The following ZNF281 variants were observed in gnomAD, a reference collection of about 807,000 sequenced individuals.
ZNF281 encodes the protein zinc finger protein 281, also known as GC-box-binding zinc finger protein 1.
ZNF281 carries 2 observed loss-of-function variants against 58.8 expected under a neutral mutation model. The observed-to-expected ratio is 0.03, with a 90% CI of 0.01 to 0.11. ZNF281 has a LOEUF of 0.11. Among genes scored for constraint, ZNF281 ranks in the 10% least tolerant of loss-of-function variants. The pLI is 1.00. For synonymous variants in ZNF281, 465 were observed against 407.7 expected, an observed-to-expected ratio of 1.14 and a Z score of -1.69; for missense variants, 975 against 1,090.7, an observed-to-expected ratio of 0.89 and a Z score of 1.49.
chr1:200,405,288 G>A lies in ZNF281; in HGVS notation c.*1730C>T, dbSNP rs983329778. The A allele has an allele frequency of 2.6e-5, 4 of 152,230 alleles. No homozygotes were observed. The highest frequency in any genetic ancestry group is 4.4e-5 in the Non-Finnish European group (3 of 68,038). The allele number at this position is 152,230 out of a possible 1,614,324, so 9.4% of individuals were successfully genotyped here. A position where few individuals can be genotyped will look rare whatever the true frequency, so the allele number is the denominator to read the frequency against. On this transcript the variant is annotated 3_prime_UTR_variant, in exon 2 of 2. Coordinates refer to ENST00000367353, the MANE Select transcript of ZNF281 (RefSeq NM_001281293.2). The stretch of plus-strand genomic sequence containing the variant: ...AGCTGCTAAAGCTAAAGGGAGGAAA[G>A]TGGGAAAAGGAAATTAACTAATACT...
rs1300973930 is a variant in ZNF281, at chr1:200,409,587, G to A, written c.119C>T (p.Ala40Val). Residue 40 changes from alanine to valine, a missense_variant, in exon 2 of 2, where the codon GCA (alanine) becomes GTA (valine). Transcript: ENST00000367353. ...GGGGGSSGRRAEMEPTFPQGM... is the reference protein window; with the variant it reads ...GGGGGSSGRRVEMEPTFPQGM... The stretch of plus-strand genomic sequence containing the variant: ...CTGGGGAAAGGTGGGTTCCATCTCT[G>A]CCCTCCTGCCGCTGCTGCCGCCGCC... 6.5e-7 allele frequency: 1 copy of A among 1,548,410 alleles called. No homozygotes were observed. Among genetic ancestry groups the A allele is most frequent in the Non-Finnish European group, 8.7e-7 (1 of 1,146,742 alleles).
At position 200,407,001 on chromosome 1, in the gene ZNF281, TG is replaced by T. The variant is rs1259770831; in HGVS notation, c.*16del. 2 of 1,588,520 alleles carry T rather than the reference TG, an allele frequency of 1.3e-6. No homozygotes were observed. Among genetic ancestry groups the T allele is most frequent in the African/African-American group, 2.7e-5 (2 of 73,898 alleles). On this transcript the variant is annotated 3_prime_UTR_variant, in exon 2 of 2. Coordinates refer to ENST00000367353, the MANE Select transcript of ZNF281 (RefSeq NM_001281293.2). Reference sequence around the variant, plus strand: ...AAATTACATTAGAAGACCTCCAGCCTGGCCACTTTTGGGACCTTACCTGTAA... The same window carrying T: ...AAATTACATTAGAAGACCTCCAGCCTGCCACTTTTGGGACCTTACCTGTAA...
chr1:200,409,619 G>T lies in ZNF281; in HGVS notation c.87C>A (p.Gly29=). 6.5e-7 allele frequency: 1 copy of T among 1,548,726 alleles called. No individual in the cohort carries two copies. The highest frequency in any genetic ancestry group is 1.2e-5 in the South Asian group (1 of 84,152). The change falls in exon 2 of 2, where the codon GGC becomes GGA. Residue 29 remains glycine (G), a synonymous_variant. Transcript: ENST00000367353. ...TGCCGCTGCTGCCGCCGCCGCCGCCGCCGCCACTACCACCGCCGCCGGAGC... is the reference window on the plus strand; with the variant it reads ...TGCCGCTGCTGCCGCCGCCGCCGCCTCCGCCACTACCACCGCCGCCGGAGC... ...GSGSGGGGSG[G]GGGGGSSGRR...
chr1:200,409,430 AG>A lies in ZNF281; in HGVS notation c.275del (p.Pro92LeufsTer7), dbSNP rs751889036. On this transcript the variant is annotated frameshift_variant, in exon 2 of 2. Transcript: ENST00000367353. LOFTEE classifies it high-confidence loss of function. Reference protein sequence around the residue: ...TSAAPAAEPPPPPAPDMTFKK... With the variant: ...TSAAPAAEPPXPPAPDMTFKK... Reference sequence around the variant, plus strand: ...TGAAAGTCATGTCCGGGGCTGGCGGAGGGGGGGGCTCAGCGGCCGGGGCTGC... The same window carrying A: ...TGAAAGTCATGTCCGGGGCTGGCGGAGGGGGGGCTCAGCGGCCGGGGCTGC... The A allele has an allele frequency of 9.6e-6, 14 of 1,460,420 alleles. No homozygotes were observed. The highest frequency in any genetic ancestry group is 9.1e-6 in the Non-Finnish European group (10 of 1,096,510). The allele number at this position is 1,460,420 out of a possible 1,614,324, so 90.5% of individuals were successfully genotyped here.
Position 200,409,205 on chromosome 1 carries a change from T to C in ZNF281, c.501A>G (p.Glu167=). The change falls in exon 2 of 2, where the codon GAA becomes GAG. Residue 167 remains glutamate, a synonymous_variant. Transcript: ENST00000367353. ...CCTGGATGACGCCGTGACTCCCCCC[T>C]TCACCGCCTCCTAGGCCTGGAGACC... ...EERSPGLGGG[E]GGSHGVIQDL... is the part of the protein sequence containing the mutation. 1 of 1,614,098 alleles carries C rather than the reference T, an allele frequency of 6.2e-7. No homozygotes were observed. The highest frequency in any genetic ancestry group is 8.5e-7 in the Non-Finnish European group (1 of 1,180,004).
Position 200,408,924 on chromosome 1 carries a change from T to C in ZNF281, c.782A>G (p.His261Arg). The C allele has an allele frequency of 6.2e-7, 1 of 1,614,252 alleles. No homozygotes were observed. Among genetic ancestry groups the C allele is most frequent in the Non-Finnish European group, 8.5e-7 (1 of 1,180,042 alleles). ...AGCAGCACTACAGTGATCACAGATATGAGGTTTCTGACTTGGGGAGAGGAT... is the reference window on the plus strand; with the variant it reads ...AGCAGCACTACAGTGATCACAGATACGAGGTTTCTGACTTGGGGAGAGGAT... Reference protein sequence around the residue: ...GAILSPSQKPHICDHCSAAFR... With the variant: ...GAILSPSQKPRICDHCSAAFR... The change falls in exon 2 of 2, where the codon CAT becomes CGT. Residue 261 changes from histidine to arginine, a missense_variant. Physicochemically the swap from His to Arg is conservative, Grantham distance 29. Around this residue, in one of 3 missense-constraint regions of ZNF281, gnomAD observed 370 missense variants for 360.9 expected, o/e 1.03. Coordinates refer to ENST00000367353, the MANE Select transcript of ZNF281 (RefSeq NM_001281293.2).
Position 200,408,916 on chromosome 1 carries a change from C to T in ZNF281, c.790G>A (p.Asp264Asn). 6.2e-7 allele frequency: 1 copy of T among 1,614,278 alleles called. No homozygotes were observed. The highest frequency in any genetic ancestry group is 8.5e-7 in the Non-Finnish European group (1 of 1,180,054). ...CTTCGGAAAGCAGCACTACAGTGAT[C>T]ACAGATATGAGGTTTCTGACTTGGG... ...LSPSQKPHICDHCSAAFRSSY... is the reference protein window; with the variant it reads ...LSPSQKPHICNHCSAAFRSSY... Residue 264 changes from aspartate to asparagine, a missense_variant, in exon 2 of 2, where the codon GAT (aspartate) becomes AAT (asparagine). Physicochemically the swap from Asp to Asn is conservative, Grantham distance 23 (BLOSUM62 1). This residue lies in a region of ZNF281 where 370 missense variants were observed against 360.9 expected (regional missense o/e 1.03). Transcript: ENST00000367353.
At position 200,408,402 on chromosome 1, in the gene ZNF281, T is replaced by C. The variant is rs763386817; in HGVS notation, c.1304A>G (p.Gln435Arg). The C allele has an allele frequency of 5.6e-6, 9 of 1,614,208 alleles. No homozygotes were observed. The highest frequency in any genetic ancestry group is 7.6e-6 in the Non-Finnish European group (9 of 1,180,028). ...GGTAGGCATTTCTACTGAGTAACTC[T>C]GCATGTTTATATTATTTGAAATTTG... ...ESQISNNINM[Q>R]SYSVEMPTVS... is the part of the protein sequence containing the mutation. Residue 435 changes from glutamine (Q) to arginine (R), a missense_variant, in exon 2 of 2, where the codon CAG becomes CGG. Gln to Arg is a conservative substitution (Grantham distance 43, BLOSUM62 1). Around this residue, in one of 3 missense-constraint regions of ZNF281, gnomAD observed 579 missense variants for 608.9 expected, o/e 0.95. Coordinates refer to ENST00000367353, the MANE Select transcript of ZNF281 (RefSeq NM_001281293.2).
Position 200,407,243 on chromosome 1 carries a change from C to T in ZNF281, c.2463G>A (p.Glu821=). Residue 821 remains glutamate (E), a synonymous_variant, in exon 2 of 2, where the codon GAG becomes GAA. Transcript: ENST00000367353. ...ASQIDPQKDI[E]PRTTYQIENF... is the part of the protein sequence containing the mutation. ...TCTCAATCTGATACGTTGTTCTAGG[C>T]TCTATGTCTTTCTGAGGATCTATCT... is the stretch of plus-strand genomic sequence containing the variant. 3 of 1,614,202 alleles carry T rather than the reference C, an allele frequency of 1.9e-6. No individual in the cohort carries two copies. The highest frequency in any genetic ancestry group is 2.5e-6 in the Non-Finnish European group (3 of 1,180,036).
At position 200,407,467 on chromosome 1, in the gene ZNF281, G is replaced by C. The variant is rs1391506798; in HGVS notation, c.2239C>G (p.Leu747Val). 6 of 1,614,150 alleles carry C rather than the reference G, an allele frequency of 3.7e-6. No individual in the cohort carries two copies. Among genetic ancestry groups the C allele is most frequent in the Non-Finnish European group, 5.1e-6 (6 of 1,180,030 alleles). The change falls in exon 2 of 2, where the codon CTT becomes GTT. Residue 747 changes from leucine to valine, a missense_variant. Leu to Val is a conservative substitution (Grantham distance 32, BLOSUM62 1). Coordinates refer to ENST00000367353, the MANE Select transcript of ZNF281 (RefSeq NM_001281293.2). ...FGMLFGSQPG[L>V]YLSALDATHQ... The stretch of plus-strand genomic sequence containing the variant: ...GTAGCATCCAAAGCAGACAAATAAA[G>C]ACCTGGCTGAGATCCAAACAACATC...
In ZNF281 at chr1:200,407,811, C is replaced by G; in HGVS notation, c.1895G>C (p.Arg632Pro). 6.2e-7 allele frequency: 1 copy of G among 1,614,098 alleles called. No homozygotes were observed. The highest frequency in any genetic ancestry group is 8.5e-7 in the Non-Finnish European group (1 of 1,180,038). Residue 632 changes from arginine to proline, a missense_variant, in exon 2 of 2, where the codon CGA becomes CCA. Physicochemically the swap from Arg to Pro is moderately radical, Grantham distance 103. This residue lies in a region of ZNF281 where 579 missense variants were observed against 608.9 expected (regional missense o/e 0.95). Transcript: ENST00000367353. ...TTCTCCTGAGGTGTGTAAATCCACT[C>G]GTGGTTCTGCAATATTGAAAGGATC... ...KEDPFNIAEP[R>P]VDLHTSGEHS...
rs1001188172 is a variant in ZNF281 at position 200,406,340 on chromosome 1, T to G, written c.*678A>C. On this transcript the variant is annotated 3_prime_UTR_variant, in exon 2 of 2. Coordinates refer to ENST00000367353, the MANE Select transcript of ZNF281 (RefSeq NM_001281293.2). ...CAGGCTTTGATCAAAGATCCAAGAA[T>G]ATTTGTTCTACCAGGCTGGAATGAA... 2 of 152,512 alleles carry G rather than the reference T, an allele frequency of 1.3e-5. No homozygotes were observed. The highest frequency in any genetic ancestry group is 1.3e-4 in the Admixed American group (2 of 15,276). The allele number at this position is 152,512 out of a possible 1,614,324, so 9.4% of individuals were successfully genotyped here.
At position 200,406,439 on chromosome 1, in the gene ZNF281, A is replaced by G. The variant is rs1267210722; in HGVS notation, c.*579T>C. The G allele has an allele frequency of 1.3e-5, 2 of 152,672 alleles. No individual in the cohort carries two copies. Among genetic ancestry groups the G allele is most frequent in the African/African-American group, 4.8e-5 (2 of 41,470 alleles). 9.5% of individuals were successfully genotyped at this position (152,672 alleles called of 1,614,324 possible). A position where few individuals can be genotyped will look rare whatever the true frequency, so the allele number is the denominator to read the frequency against. On this transcript the variant is annotated 3_prime_UTR_variant, in exon 2 of 2. Transcript: ENST00000367353. Reference sequence around the variant, plus strand: ...GTAGCCAACAATCTCAGAATTTTGGATCAGCCCAGATGGAGATAGCAATTT... The same window carrying G: ...GTAGCCAACAATCTCAGAATTTTGGGTCAGCCCAGATGGAGATAGCAATTT...
rs1654495248 is a variant in ZNF281, at chr1:200,407,829, A to T, written c.1877T>A (p.Phe626Tyr). The T allele has an allele frequency of 8.1e-6, 13 of 1,614,032 alleles. 1 individual carries two copies. The Middle Eastern group carries it at 4.9e-4, about 61-fold the overall frequency. Residue 626 changes from phenylalanine (F) to tyrosine (Y), a missense_variant, in exon 2 of 2, where the codon TTC becomes TAC. Physicochemically the swap from Phe to Tyr is conservative, Grantham distance 22. This residue lies in a region of ZNF281 where 579 missense variants were observed against 608.9 expected (regional missense o/e 0.95). Coordinates refer to ENST00000367353, the MANE Select transcript of ZNF281 (RefSeq NM_001281293.2). ...NKSESQKEDP[F>Y]NIAEPRVDLH... The stretch of plus-strand genomic sequence containing the variant: ...ATCCACTCGTGGTTCTGCAATATTG[A>T]AAGGATCCTCTTTCTGGCTTTCTGA...
rs934113192 is a variant in ZNF281 at position 200,406,232 on chromosome 1, C to T, written c.*786G>A. The T allele has an allele frequency of 7.2e-5, 11 of 152,316 alleles. No homozygotes were observed. The highest frequency in any genetic ancestry group is 2.7e-4 in the African/African-American group (11 of 41,366). 9.4% of individuals were successfully genotyped at this position (152,316 alleles called of 1,614,324 possible). A position where few individuals can be genotyped will look rare whatever the true frequency, so the allele number is the denominator to read the frequency against. On this transcript the variant is annotated 3_prime_UTR_variant, in exon 2 of 2. Coordinates refer to ENST00000367353, the MANE Select transcript of ZNF281 (RefSeq NM_001281293.2). The stretch of plus-strand genomic sequence containing the variant: ...ACTGTACTAGATGTCAGTAGAATCG[C>T]TTGATGGAATTACAGCCTTGTTACA...
At position 200,406,883 on chromosome 1, in the gene ZNF281, C is replaced by A; in HGVS notation, c.*135G>T. ...GCTAAAATCACGCTAACAAAATAAA[C>A]TAAATATGAAAAGTTGCATTGAAAG... On this transcript the variant is annotated 3_prime_UTR_variant, in exon 2 of 2. Coordinates refer to ENST00000367353, the MANE Select transcript of ZNF281 (RefSeq NM_001281293.2). The A allele has an allele frequency of 1.3e-6, 1 of 781,620 alleles. No homozygotes were observed. The highest frequency in any genetic ancestry group is 1.9e-6 in the Non-Finnish European group (1 of 524,026). The allele number at this position is 781,620 out of a possible 1,614,324, so 48.4% of individuals were successfully genotyped here.
chr1:200,409,805 G>C (rs1571697541), intron 1 of ZNF281, 82 bp from the exon 2 acceptor site: 1 of 1,456,544 alleles, frequency 6.9e-7, no homozygotes. Flanking sequence ...CAGCGCTAAG[G>C]ACCCCGCCGC....
At position 200,408,973 on chromosome 1, in the gene ZNF281, A is replaced by C; in HGVS notation, c.733T>G (p.Leu245Val). 2 of 1,614,228 alleles carry C rather than the reference A, an allele frequency of 1.2e-6. No homozygotes were observed. Among genetic ancestry groups the C allele is most frequent in the African/African-American group, 1.3e-5 (1 of 75,056 alleles). Residue 245 changes from leucine (L) to valine (V), a missense_variant, in exon 2 of 2, where the codon TTG becomes GTG. Coordinates refer to ENST00000367353, the MANE Select transcript of ZNF281 (RefSeq NM_001281293.2). Reference sequence around the variant, plus strand: ...ATGGCACCTTCTCCATCTCCAACCAAAGAAGGTTTGGAAGATGCACTTGGC... The same window carrying C: ...ATGGCACCTTCTCCATCTCCAACCACAGAAGGTTTGGAAGATGCACTTGGC... ...RKPSASSKPS[L>V]VGDGEGAILS... is the part of the protein sequence containing the mutation.
Position 200,407,249 on chromosome 1 carries a change from G to A in ZNF281, c.2457C>T (p.Asp819=), listed in dbSNP as rs1318159069. The change falls in exon 2 of 2, where the codon GAC becomes GAT. Residue 819 remains aspartate, a synonymous_variant. Coordinates refer to ENST00000367353, the MANE Select transcript of ZNF281 (RefSeq NM_001281293.2). ...TCTGATACGTTGTTCTAGGCTCTAT[G>A]TCTTTCTGAGGATCTATCTGGCTAG... ...ELASQIDPQK[D]IEPRTTYQIE... The A allele has an allele frequency of 1.2e-6, 2 of 1,614,192 alleles. No homozygotes were observed. Among genetic ancestry groups the A allele is most frequent in the Non-Finnish European group, 1.7e-6 (2 of 1,180,028 alleles).
Sources: gnomAD v4.1 joint callset for allele counts on GRCh38, gnomAD v4.1.1 for gene constraint, gnomAD v4.1.1 regional missense constraint, MANE v1.5 for transcripts, NCBI Gene and HGNC (gene_info 2026-07-23, HGNC 2026-07-21) for gene names.